Variants in C16orf78 observed in about 807,000 individuals in gnomAD.
C16orf78 encodes chromosome 16 open reading frame 78.
Under a neutral mutation model 27.3 loss-of-function variants are expected in C16orf78, and 19 were observed. The observed-to-expected ratio is 0.70, with a 90% CI of 0.49 to 1.02. The LOEUF (loss-of-function observed/expected upper bound fraction) is 1.02, where lower values mean the gene tolerates loss of function less well. Ranked by LOEUF, C16orf78 falls within the 50% of genes least tolerant of loss-of-function variation. C16orf78 has a pLI of 0.00. For synonymous variants in C16orf78, 130 were observed against 116.1 expected (o/e 1.12, Z -0.77); for missense variants, 339 against 337.0 (o/e 1.01, Z -0.05).
At chr16:49,388,749 A>G (rs952048653) in intron 3 of C16orf78, among the ~76,000 whole-genome samples, 3 of 152,290 alleles carry the variant, frequency 2.0e-5, no homozygotes, top group Admixed American at 2.0e-4. Flanking sequence ...CCTGAGCTCA[A>G]GCAATGTGCC....
intron 2 of C16orf78, among the ~76,000 whole-genome samples, chr16:49,378,061 T>C (rs182717379): frequency 6.6e-6 from 1 of 152,234 alleles, no homozygotes; most frequent in East Asian, 1.9e-4. Flanking sequence ...GTAGTTTCAT[T>C]CTTCACACGT....
At chr16:49,379,718 A>G (rs150148997) in intron 3 of C16orf78, among the ~76,000 whole-genome samples, 1 of 152,320 alleles carries the variant, frequency 6.6e-6, no homozygotes, top group African/African-American at 2.4e-5. Flanking sequence ...CATGGACGTA[A>G]GATGTTAACA....
chr16:49,384,613 G>A (rs1175798602), intron 3 of C16orf78, among the ~76,000 whole-genome samples: 1 of 152,050 alleles, frequency 6.6e-6, no homozygotes, highest in African/African-American at 2.4e-5. Flanking sequence ...AGAATAGAGT[G>A]ATAAAATGTA....
intron 3 of C16orf78, among the ~76,000 whole-genome samples, chr16:49,381,000 T>C (rs1402668293): frequency 6.6e-6 from 1 of 150,592 alleles, no homozygotes; most frequent in Admixed American, 6.6e-5. Flanking sequence ...ATATCTCTGT[T>C]TTGGTACCAG....
rs559768549 is a variant in C16orf78, at chr16:49,381,405, G to C, written c.394+2812G>C. On this transcript the variant is annotated intron_variant, in intron 3 of 4. Transcript: ENST00000299191. ...ATTCTCTTTGAAGCAATTGTGAATG[G>C]GAGTTCACTCATGATTTGGCTCTCT... Among the ~76,000 whole-genome samples the C allele has an allele frequency of 7.9e-5, 12 of 152,164 alleles. No individual in the cohort carries two copies. The East Asian group carries it at 2.1e-3, about 27-fold the overall frequency.
intron 1 of C16orf78, among the ~76,000 whole-genome samples, chr16:49,375,013 G>T (rs562398120): frequency 3.3e-5 from 5 of 152,148 alleles, no homozygotes; most frequent in Admixed American, 6.5e-5. Flanking sequence ...TGTGGTCAAG[G>T]CCCTGTGCTT....
At chr16:49,396,904 T>C (rs1039999248) in intron 4 of C16orf78, among the ~76,000 whole-genome samples, 2 of 152,240 alleles carry the variant, frequency 1.3e-5, no homozygotes, top group African/African-American at 2.4e-5. Context: ...GCATGTCATT[T>C]AGGTGCTGCC....
At chr16:49,395,673 C>G (rs188730082) in intron 3 of C16orf78, among the ~76,000 whole-genome samples, 9 of 152,318 alleles carry the variant, frequency 5.9e-5, no homozygotes, top group Non-Finnish European at 1.2e-4. Flanking sequence ...ACATTCTGTT[C>G]CTCTGCCTGC....
At chr16:49,388,011 G>C (rs982282549) in intron 3 of C16orf78, among the ~76,000 whole-genome samples, 5 of 152,152 alleles carry the variant, frequency 3.3e-5, no homozygotes, top group Non-Finnish European at 7.3e-5. Context: ...CAGGCCAGCT[G>C]TGGTGGCTCA....
chr16:49,389,115 G>T lies in C16orf78; in HGVS notation c.395-7308G>T, dbSNP rs1382586373. On this transcript the variant is annotated intron_variant, in intron 3 of 4. Transcript: ENST00000299191. ...TGATTCCATTTCATCTCCTTCATTA[G>T]CTTCCTAGTTATAACTCTTTGTTGC... is the stretch of plus-strand genomic sequence containing the variant. Among the ~76,000 whole-genome samples, 3 of 151,818 alleles carry T rather than the reference G, an allele frequency of 2.0e-5. 1 individual carries two copies. Among genetic ancestry groups the T allele is most frequent in the Non-Finnish European group, 4.4e-5 (3 of 67,984 alleles).
chr16:49,390,113 G>A (rs1965395151), intron 3 of C16orf78, among the ~76,000 whole-genome samples: 3 of 152,126 alleles, frequency 2.0e-5, no homozygotes, highest in African/African-American at 7.2e-5. Flanking sequence ...ATGGGAAGCT[G>A]GCTCTCTTCC....
chr16:49,393,439 C>T (rs965546678), intron 3 of C16orf78, among the ~76,000 whole-genome samples: 1 of 152,118 alleles, frequency 6.6e-6, no homozygotes, highest in Admixed American at 6.5e-5. Context: ...GATTTTAGGG[C>T]TACCTACATC....
At chr16:49,394,893 G>A (rs963867869) in intron 3 of C16orf78, among the ~76,000 whole-genome samples, 3 of 151,894 alleles carry the variant, frequency 2.0e-5, no homozygotes, top group Non-Finnish European at 2.9e-5. Context: ...TTTGAGACAG[G>A]GTCTTACTCT....
rs181131253 is a variant in C16orf78, at chr16:49,385,413, C to T, written c.394+6820C>T. 3.9e-5 allele frequency among the ~76,000 whole-genome samples: 6 copies of T among 152,236 alleles called. No individual in the cohort carries two copies. In the East Asian group the frequency reaches 9.6e-4, roughly 24 times the overall value. ...TATGGCCAGGCACAGTGGCTCATGC[C>T]TATAATCCCAACACTTTGGGAGGCC... On this transcript the variant is annotated intron_variant, in intron 3 of 4. Transcript: ENST00000299191.
At chr16:49,379,060 G>A (rs1379461201) in intron 3 of C16orf78, among the ~76,000 whole-genome samples, 1 of 152,140 alleles carries the variant, frequency 6.6e-6, no homozygotes, top group East Asian at 1.9e-4. Context: ...GACTGCCTGG[G>A]TCCTGACCCT....
intron 4 of C16orf78, among the ~76,000 whole-genome samples, chr16:49,398,070 C>T (rs957620652): frequency 4.6e-5 from 7 of 152,212 alleles, no homozygotes; most frequent in South Asian, 4.2e-4. Context: ...TGGATGAGAC[C>T]GTAATGGGTG....
At chr16:49,388,401 A>G (rs1248020036) in intron 3 of C16orf78, among the ~76,000 whole-genome samples, 1 of 152,140 alleles carries the variant, frequency 6.6e-6, no homozygotes, top group African/African-American at 2.4e-5. Flanking sequence ...AGATTCTGGT[A>G]TATTGTATCT....
At chr16:49,387,567 G>A (rs867764810) in intron 3 of C16orf78, among the ~76,000 whole-genome samples, 3 of 152,330 alleles carry the variant, frequency 2.0e-5, no homozygotes, top group Middle Eastern at 3.4e-3. Context: ...CATAGAATGA[G>A]TTAGGGAGGA....
At chr16:49,396,318 C>T (rs27795) in intron 3 of C16orf78, 105 bp from the exon 4 acceptor site, 258,874 of 1,290,102 alleles carry the variant, frequency 0.2, 34,199 homozygotes, top group African/African-American at 0.62. Flanking sequence ...AGAACAGGTA[C>T]GGTTTGAAGT....
Sources: gnomAD v4.1 joint callset for allele counts (sites outside exome capture counted in the v4.1 genomes callset) on GRCh38, gnomAD v4.1.1 for gene constraint, MANE v1.5 for transcripts, NCBI Gene and HGNC (gene_info 2026-07-23, HGNC 2026-07-21) for gene names.